The following ABCB9 variants were observed in gnomAD, a reference collection of about 807,000 sequenced individuals.
ABCB9 encodes ATP binding cassette subfamily B member 9, also known as ABC-type oligopeptide transporter ABCB9.
Under a neutral mutation model 62.0 loss-of-function variants are expected in ABCB9, and 36 were observed. The observed-to-expected ratio is 0.58, with a 90% CI of 0.45 to 0.77. The LOEUF (loss-of-function observed/expected upper bound fraction) is 0.77, where lower values mean the gene tolerates loss of function less well. ABCB9 is among the 30% of genes least tolerant of loss of function. ABCB9 has a pLI of 0.00. For synonymous variants in ABCB9, 435 were observed against 461.4 expected, an observed-to-expected ratio of 0.94 and a Z score of 0.73; for missense variants, 943 against 1,054.7, an observed-to-expected ratio of 0.89 and a Z score of 1.47.
chr12:122,950,450 C>A lies in ABCB9; in HGVS notation c.716+1G>T. 6.2e-7 allele frequency: 1 copy of A among 1,609,684 alleles called. No individual in the cohort carries two copies. The highest frequency in any genetic ancestry group is 8.5e-7 in the Non-Finnish European group (1 of 1,179,126). ...CAGGGCGTGGGGGTTGAGCCAGCTA[C>A]CTGCCAATGGCCAGCAGGCACACGA... On this transcript the variant is annotated splice_donor_variant, in intron 3 of 11. Transcript: ENST00000280560. LOFTEE classifies it high-confidence loss of function.
chr12:122,938,782 C>T (rs1451231168), intron 9 of ABCB9, among the ~76,000 whole-genome samples: 1 of 144,326 alleles, frequency 6.9e-6, no homozygotes, highest in Middle Eastern at 4.2e-3. Flanking sequence ...GAGCCGAGAT[C>T]GTGCCACTGC....
chr12:122,942,236 C>T (rs1048168484), intron 7 of ABCB9, among the ~76,000 whole-genome samples: 11 of 151,904 alleles, frequency 7.2e-5, no homozygotes, highest in Admixed American at 2.0e-4. Context: ...GGGGTGATAT[C>T]GGCATCTGTG....
At chr12:122,919,871 C>CTGTTTGTT (rs564917695), downstream of ABCB9, among the ~76,000 whole-genome samples, 1 of 135,222 alleles carries the variant, frequency 7.4e-6, no homozygotes, top group Non-Finnish European at 1.6e-5. Flanking sequence ...GGTGACTCAT[C>CTGTTTGTT]TGTTTGTTTG....
Position 122,929,338 on chromosome 12 carries a change from TGCCCTCCAC to T in ABCB9, c.*564_*572del. The T allele has an allele frequency of 1.0e-6, 1 of 985,940 alleles. No homozygotes were observed. The highest frequency in any genetic ancestry group is 1.2e-6 in the Non-Finnish European group (1 of 830,042). The allele number at this position is 985,940 out of a possible 1,614,324, so 61.1% of individuals were successfully genotyped here. ...TTGGCAGCGGGCGATGGCAGACAGA[TGCCCTCCAC>T]GCTCCCTACCCGCCCTGGCCAGACT... On this transcript the variant is annotated 3_prime_UTR_variant, in exon 12 of 12. Coordinates refer to ENST00000280560, the MANE Select transcript of ABCB9 (RefSeq NM_019625.4). This position sits in a 1 kb window ranked among gnomAD's most constrained non-coding sequence, Gnocchi z 6.0.
At chr12:122,949,426 T>C (rs1263869455) in intron 4 of ABCB9, 1 of 220,926 alleles carries the variant, frequency 4.5e-6, no homozygotes, top group East Asian at 1.0e-4. Flanking sequence ...TTCCCCGTTG[T>C]GGCCCCTGGC....
At chr12:122,955,699 G>T (rs1259451880) in intron 2 of ABCB9, among the ~76,000 whole-genome samples, 3 of 151,824 alleles carry the variant, frequency 2.0e-5, no homozygotes, top group Non-Finnish European at 4.4e-5. Flanking sequence ...ATAGTTTTTT[G>T]GGTTTTTGTT....
At chr12:122,962,520 C>G (rs1221783178) in intron 1 of ABCB9, among the ~76,000 whole-genome samples, 1 of 152,170 alleles carries the variant, frequency 6.6e-6, no homozygotes, top group African/African-American at 2.4e-5. Context: ...CACAGTCCCA[C>G]GAGGCCAGGG....
chr12:122,919,873 G>C (rs912756789), downstream of ABCB9, among the ~76,000 whole-genome samples: 1 of 126,836 alleles, frequency 7.9e-6, no homozygotes, highest in African/African-American at 3.3e-5. Context: ...TGACTCATCT[G>C]TTTGTTTGTT....
In ABCB9 at chr12:122,948,673, C is replaced by A; in HGVS notation, c.1004G>T (p.Gly335Val). 6.2e-7 allele frequency: 1 copy of A among 1,613,946 alleles called. No homozygotes were observed. Among genetic ancestry groups the A allele is most frequent in the Non-Finnish European group, 8.5e-7 (1 of 1,179,914 alleles). ...SWQLSLVTFM[G>V]FPIIMMVSNI... ...GGACACCATCATGATGATGGGGAAG[C>A]CCATGAAGGTGACCAAGGAGAGCTG... Residue 335 changes from glycine (G) to valine (V), a missense_variant, in exon 5 of 12, where the codon GGC becomes GTC. Physicochemically the swap from Gly to Val is moderately radical, Grantham distance 109. Coordinates refer to ENST00000280560, the MANE Select transcript of ABCB9 (RefSeq NM_019625.4).
chr12:122,961,073 A>AT (rs570860089), intron 1 of ABCB9, among the ~76,000 whole-genome samples: 56 of 151,136 alleles, frequency 3.7e-4, no homozygotes, highest in South Asian at 6.3e-4. Context: ...AAAAAAAAAA[A>AT]TTTTTTTTAA....
In ABCB9 at chr12:122,930,853, G is replaced by C. The variant is rs2035117990; in HGVS notation, c.2041-682C>G. Among the ~76,000 whole-genome samples, 1 of 152,216 alleles carries C rather than the reference G, an allele frequency of 6.6e-6. No homozygotes were observed. Among genetic ancestry groups the C allele is most frequent in the African/African-American group, 2.4e-5 (1 of 41,538 alleles). On this transcript the variant is annotated intron_variant, in intron 11 of 11. Transcript: ENST00000280560. This position sits in a 1 kb window ranked among gnomAD's most constrained non-coding sequence, Gnocchi z 4.9. ...CTCAGTAACTCTCTGTGTAACAAAT[G>C]AATCAATCCGCGCATAGACTGAGGT...
downstream of ABCB9, among the ~76,000 whole-genome samples, chr12:122,920,553 C>T (rs1291641168): frequency 6.6e-6 from 1 of 151,988 alleles, no homozygotes; most frequent in African/African-American, 2.4e-5. Context: ...TTTGAAAAAA[C>T]TGCATTAACC....
At chr12:122,931,916 T>G in intron 11 of ABCB9, 1 of 530,556 alleles carries the variant, frequency 1.9e-6, no homozygotes, top group African/African-American at 1.9e-5. Context: ...AGTGCTGGGA[T>G]TACAGGTGTA....
In ABCB9 at chr12:122,949,784, C is replaced by A. The variant is rs748225193; in HGVS notation, c.847+4G>T. On this transcript the variant is annotated splice_donor_region_variant and intron_variant, in intron 4 of 11. Transcript: ENST00000280560. Reference sequence around the variant, plus strand: ...AGGACACCTAGGGCACTGGAAGGACCAACCTGTGCGGTTCTCATCAAAGAA... The same window carrying A: ...AGGACACCTAGGGCACTGGAAGGACAAACCTGTGCGGTTCTCATCAAAGAA... 3 of 1,613,942 alleles carry A rather than the reference C, an allele frequency of 1.9e-6. No individual in the cohort carries two copies. The highest frequency in any genetic ancestry group is 2.2e-5 in the East Asian group (1 of 44,894).
intron 2 of ABCB9, among the ~76,000 whole-genome samples, chr12:122,953,783 A>G (rs1428535984): frequency 6.6e-6 from 1 of 152,060 alleles, no homozygotes; most frequent in African/African-American, 2.4e-5. Flanking sequence ...CGGCCTTCCA[A>G]AATGCTGGGA....
At chr12:122,924,837 A>G (rs777285395), downstream of ABCB9, 2 of 1,533,958 alleles carry the variant, frequency 1.3e-6, no homozygotes, top group Non-Finnish European at 1.7e-6. Flanking sequence ...GAGGACAGTG[A>G]CATTTGCTAA....
rs1373563355 is a variant in ABCB9, at chr12:122,975,091, C to T, written c.-464G>A. 11 of 493,628 alleles carry T rather than the reference C, an allele frequency of 2.2e-5. No individual in the cohort carries two copies. The South Asian group carries it at 3.5e-4, about 16-fold the overall frequency. 30.6% of individuals were successfully genotyped at this position (493,628 alleles called of 1,614,324 possible). A position where few individuals can be genotyped will look rare whatever the true frequency, so the allele number is the denominator to read the frequency against. On this transcript the variant is annotated 5_prime_UTR_variant, in exon 1 of 12. Coordinates refer to the ABCB9 transcript ENST00000392439. ...CGCCGGTCCCAACCCGGCCCAGGAG[C>T]ATCTTTCTCCGCAGACCGTTTCCTG...
intron 3 of ABCB9, 138 bp from the exon 4 acceptor site, chr12:122,950,056 C>T (rs1301270487): frequency 9.9e-6 from 12 of 1,210,408 alleles, no homozygotes; most frequent in Admixed American, 4.0e-5. Context: ...GCGGGGTCCC[C>T]CTCATTCCCA....
chr12:122,969,178 C>G (rs1188613033), upstream of ABCB9, among the ~76,000 whole-genome samples: 1 of 9,012 alleles, frequency 1.1e-4, no homozygotes, highest in African/African-American at 1.8e-4. Context: ...CTTTCCACCC[C>G]CCCCCCCCCC....
Sources: allele counts gnomAD v4.1 joint callset (sites outside exome capture counted in the v4.1 genomes callset), GRCh38; gene constraint gnomAD v4.1.1; non-coding constraint Gnocchi (gnomAD v3.1); transcripts MANE v1.5; gene names NCBI Gene and HGNC (gene_info 2026-07-23, HGNC 2026-07-21).